The following EYS variants were observed in gnomAD, a reference collection of about 807,000 sequenced individuals.
EYS encodes the protein EGF-like photoreceptor maintenance factor.
In EYS, 250 loss-of-function variants were observed where a neutral mutation model predicts 282.1. The observed-to-expected ratio is 0.89, with a 90% CI of 0.80 to 0.98. The LOEUF is 0.98. Among genes scored for constraint, EYS ranks in the 50% least tolerant of loss-of-function variants. The pLI is 0.00. For missense variants in EYS, 4,016 were observed against 3,709.0 expected, an observed-to-expected ratio of 1.08 and a Z score of -2.15; for synonymous variants, 1,355 against 1,282.9, an observed-to-expected ratio of 1.06 and a Z score of -1.20.
chr6:64,610,962 A>C (rs1216089649), intron 24 of EYS, among the ~76,000 whole-genome samples: 2 of 152,070 alleles, frequency 1.3e-5, no homozygotes, highest in Non-Finnish European at 2.9e-5. Flanking sequence ...CAGAACACAC[A>C]TCCCTCCATC....
At position 65,588,537 on chromosome 6, in the gene EYS, A is replaced by G. The variant is rs532280497; in HGVS notation, c.-333+51241T>C. Among the ~76,000 whole-genome samples the G allele has an allele frequency of 9.3e-5, 14 of 150,808 alleles. No individual in the cohort carries two copies. The South Asian group carries it at 2.5e-3, about 27-fold the overall frequency. On this transcript the variant is annotated intron_variant, in intron 2 of 42. Transcript: ENST00000503581. ...CTGATCTCTTTTAAACTATTTCTAA[A>G]CCTTCCCCCTGTCCATATCGTGCCT...
intron 22 of EYS, among the ~76,000 whole-genome samples, chr6:64,774,105 C>T (rs1015745055): frequency 2.6e-5 from 4 of 151,820 alleles, no homozygotes; most frequent in Admixed American, 6.6e-5. Context: ...ATTACACATA[C>T]TTATGCATTT....
At chr6:65,487,401 C>T (rs77907781) in intron 5 of EYS, among the ~76,000 whole-genome samples, 1 of 152,104 alleles carries the variant, frequency 6.6e-6, no homozygotes, top group African/African-American at 2.4e-5. Flanking sequence ...TGAATTTTGT[C>T]GAAGGCCTTT....
chr6:65,673,626 T>G (rs1393093694), intron 1 of EYS, among the ~76,000 whole-genome samples: 1 of 152,002 alleles, frequency 6.6e-6, no homozygotes, highest in Non-Finnish European at 1.5e-5. Context: ...AGACCATTAG[T>G]CCATTCTACG....
chr6:64,989,747 C>A (rs1299135994), intron 14 of EYS, among the ~76,000 whole-genome samples: 3 of 140,566 alleles, frequency 2.1e-5, no homozygotes, highest in Non-Finnish European at 3.1e-5. Flanking sequence ...TAATTGTATA[C>A]ATTATATATT....
chr6:65,246,630 A>G (rs1767186825), intron 12 of EYS, among the ~76,000 whole-genome samples: 1 of 151,930 alleles, frequency 6.6e-6, no homozygotes, highest in Admixed American at 6.6e-5. Context: ...ATATCCTCCC[A>G]TTTGCTCATA....
At position 64,551,544 on chromosome 6, in the gene EYS, T is replaced by C. The variant is rs572832736; in HGVS notation, c.5644+38679A>G. Among the ~76,000 whole-genome samples, 40 of 150,404 alleles carry C rather than the reference T, an allele frequency of 2.7e-4. 1 individual carries two copies. Among genetic ancestry groups the C allele is most frequent in the Admixed American group, 7.9e-4 (12 of 15,114 alleles). On this transcript the variant is annotated intron_variant, in intron 26 of 42. Coordinates refer to ENST00000503581, the MANE Select transcript of EYS (RefSeq NM_001142800.2). Reference sequence around the variant, plus strand: ...TCTCAGCCAAGTGCATTCTTTTTTTTTTTTTTTTTTGAGATGGAGTCCTGC... The same window carrying C: ...TCTCAGCCAAGTGCATTCTTTTTTTCTTTTTTTTTTGAGATGGAGTCCTGC...
intron 26 of EYS, among the ~76,000 whole-genome samples, chr6:64,574,658 TAAAC>T (rs1051665223): frequency 4.6e-5 from 7 of 152,076 alleles, no homozygotes; most frequent in Non-Finnish European, 8.8e-5. Flanking sequence ...AAAACAAAAA[TAAAC>T]AAAAACTGAT....
At chr6:64,922,940 T>C (rs1768395928) in intron 15 of EYS, among the ~76,000 whole-genome samples, 1 of 152,164 alleles carries the variant, frequency 6.6e-6, no homozygotes, top group Admixed American at 6.5e-5. Context: ...TTCATTTTGT[T>C]TAGGATTCAA....
intron 14 of EYS, among the ~76,000 whole-genome samples, chr6:64,969,010 T>G (rs908488990): frequency 8.5e-5 from 13 of 152,108 alleles, no homozygotes; most frequent in Non-Finnish European, 1.2e-4. Context: ...TTATAATTGC[T>G]GTTCAAATTG....
chr6:64,608,490 A>G (rs753610334), intron 24 of EYS, among the ~76,000 whole-genome samples: 1 of 152,202 alleles, frequency 6.6e-6, no homozygotes, highest in Non-Finnish European at 1.5e-5. Flanking sequence ...TGGTACAAAT[A>G]TTTTAGAAAA....
At chr6:63,883,844 C>T (rs1027644146) in intron 35 of EYS, among the ~76,000 whole-genome samples, 2 of 152,200 alleles carry the variant, frequency 1.3e-5, no homozygotes, top group South Asian at 2.1e-4. Context: ...TCATGGCTGA[C>T]GCCTTCTCAT....
chr6:65,172,984 A>T (rs545456873), intron 12 of EYS, among the ~76,000 whole-genome samples: 3,822 of 75,814 alleles, frequency 0.05, 154 homozygotes, highest in African/African-American at 0.24. Flanking sequence ...TGGAAATTTA[A>T]AAAAAAAAAA....
intron 31 of EYS, among the ~76,000 whole-genome samples, chr6:64,148,070 A>AT (rs1774578985): frequency 1.3e-5 from 2 of 152,208 alleles, no homozygotes; most frequent in African/African-American, 4.8e-5. Flanking sequence ...TTGCTTATGA[A>AT]TTTTTTTGTT....
At chr6:65,069,275 A>T (rs1212932721) in intron 12 of EYS, among the ~76,000 whole-genome samples, 1 of 152,008 alleles carries the variant, frequency 6.6e-6, no homozygotes. Flanking sequence ...GAAAACTTTC[A>T]TCTTACATCA....
intron 16 of EYS, among the ~76,000 whole-genome samples, chr6:64,905,598 T>C (rs16895999): frequency 0.031 from 4,756 of 152,288 alleles, 134 homozygotes; most frequent in East Asian, 0.13. Context: ...ATACACAAAA[T>C]TGATTTTTAA....
At chr6:64,641,845 G>C (rs1768166813) in intron 22 of EYS, among the ~76,000 whole-genome samples, 1 of 152,126 alleles carries the variant, frequency 6.6e-6, no homozygotes, top group African/African-American at 2.4e-5. Context: ...ATATGCAGGG[G>C]AATTATGTTG....
chr6:63,809,335 T>A (rs1770982357), intron 36 of EYS, among the ~76,000 whole-genome samples: 1 of 152,228 alleles, frequency 6.6e-6, no homozygotes, highest in African/African-American at 2.4e-5. Context: ...AACATTTGGT[T>A]AATTTGGTTA....
chr6:65,048,749 A>T (rs371419136), intron 13 of EYS, among the ~76,000 whole-genome samples: 2 of 151,890 alleles, frequency 1.3e-5, no homozygotes, highest in African/African-American at 4.8e-5. Context: ...TGTTTCCCTA[A>T]AGCAACAATC....
Sources: allele counts gnomAD v4.1 joint callset (sites outside exome capture counted in the v4.1 genomes callset), GRCh38; gene constraint gnomAD v4.1.1; transcripts MANE v1.5; gene names NCBI Gene and HGNC (gene_info 2026-07-23, HGNC 2026-07-21).